Variants in PHACTR3 observed in about 807,000 individuals in gnomAD.
The protein encoded by PHACTR3 is protein phosphatase 1, regulatory subunit 123.
A neutral mutation model predicts 66.8 loss-of-function variants in PHACTR3; 16 were observed. That is an observed-to-expected ratio of 0.24 (90% confidence interval 0.16 to 0.36). The LOEUF (loss-of-function observed/expected upper bound fraction) is 0.36, where lower values mean the gene tolerates loss of function less well. Ranked by LOEUF, PHACTR3 falls within the 10% of genes least tolerant of loss-of-function variation. PHACTR3 has a pLI of 1.00. For missense variants in PHACTR3, 647 were observed against 719.9 expected (o/e 0.90, Z 1.16); for synonymous variants, 323 against 292.1 (o/e 1.11, Z -1.08).
Position 59,588,603 on chromosome 20 carries a change from TC to T in PHACTR3, c.109+10990del, listed in dbSNP as rs1163315377. Among the ~76,000 whole-genome samples, 100 of 152,294 alleles carry T rather than the reference TC, an allele frequency of 6.6e-4. 1 individual carries two copies. Among genetic ancestry groups the T allele is most frequent in the Admixed American group, 9.1e-4 (14 of 15,304 alleles). On this transcript the variant is annotated intron_variant, in intron 1 of 12. Transcript: ENST00000359926. ...GAGGCCCTTTGAGTCCTGAGGCCTGTCCCCATCCTCAGCCTCCCGCCATCTT... is the reference window on the plus strand; with the variant it reads ...GAGGCCCTTTGAGTCCTGAGGCCTGTCCCATCCTCAGCCTCCCGCCATCTT...
At chr20:59,758,333 G>T (rs2039880270) in intron 4 of PHACTR3, among the ~76,000 whole-genome samples, 1 of 152,156 alleles carries the variant, frequency 6.6e-6, no homozygotes, top group African/African-American at 2.4e-5. Flanking sequence ...AGTAGTATTG[G>T]CTTCTCATTT....
At chr20:59,644,521 A>G (rs1457230129) in intron 1 of PHACTR3, among the ~76,000 whole-genome samples, 1 of 152,184 alleles carries the variant, frequency 6.6e-6, no homozygotes, top group Admixed American at 6.5e-5. Context: ...TTTTGCTCCC[A>G]GCTGGGACTC....
At chr20:59,822,271 C>T (rs1285254207) in intron 8 of PHACTR3, among the ~76,000 whole-genome samples, 1 of 72,344 alleles carries the variant, frequency 1.4e-5, no homozygotes, top group African/African-American at 6.9e-5. Flanking sequence ...CCACCCCCTC[C>T]GCAGTGATCC....
intron 1 of PHACTR3, among the ~76,000 whole-genome samples, chr20:59,731,067 T>C (rs1234098374): frequency 6.6e-6 from 1 of 152,206 alleles, no homozygotes; most frequent in Non-Finnish European, 1.5e-5. Flanking sequence ...CTTTTGTTTT[T>C]CTTTAACCTT....
chr20:59,702,085 C>T (rs1044614811), intron 1 of PHACTR3, among the ~76,000 whole-genome samples: 1 of 152,126 alleles, frequency 6.6e-6, no homozygotes, highest in Non-Finnish European at 1.5e-5. Flanking sequence ...CGGGATGTAC[C>T]CCAATTTGTT....
chr20:59,732,328 G>A (rs1210709879), intron 1 of PHACTR3, among the ~76,000 whole-genome samples: 1 of 152,208 alleles, frequency 6.6e-6, no homozygotes, highest in Admixed American at 6.5e-5. Flanking sequence ...CGTGCTCTGA[G>A]CCTCTACTTT....
intron 7 of PHACTR3, among the ~76,000 whole-genome samples, chr20:59,799,826 A>G (rs1440083379): frequency 6.6e-6 from 1 of 152,022 alleles, no homozygotes; most frequent in Non-Finnish European, 1.5e-5. Flanking sequence ...GTTTAACTCT[A>G]CCGTCTGGCA....
At chr20:59,594,920 C>T (rs6026981) in intron 1 of PHACTR3, among the ~76,000 whole-genome samples, 1 of 151,858 alleles carries the variant, frequency 6.6e-6, no homozygotes, top group South Asian at 2.1e-4. Flanking sequence ...TAGGATATAC[C>T]TTCAGTGTTA....
At chr20:59,644,841 TA>T (rs531051045) in intron 1 of PHACTR3, among the ~76,000 whole-genome samples, 69 of 152,310 alleles carry the variant, frequency 4.5e-4, no homozygotes, top group African/African-American at 1.6e-3. Context: ...GTGTTTTTTT[TA>T]GAGGATCTCT....
chr20:59,815,186 A>G (rs2041849502), intron 8 of PHACTR3, among the ~76,000 whole-genome samples: 1 of 152,162 alleles, frequency 6.6e-6, no homozygotes, highest in African/African-American at 2.4e-5. Flanking sequence ...GAGGGACCTC[A>G]TCGGGGGGAA....
chr20:59,712,510 T>A (rs1012384011), intron 1 of PHACTR3, among the ~76,000 whole-genome samples: 1 of 152,196 alleles, frequency 6.6e-6, no homozygotes, highest in African/African-American at 2.4e-5. Flanking sequence ...CTTTGCACAC[T>A]CTCGAGAGTT....
At chr20:59,713,167 A>G (rs2037966591) in intron 1 of PHACTR3, among the ~76,000 whole-genome samples, 1 of 152,232 alleles carries the variant, frequency 6.6e-6, no homozygotes, top group Non-Finnish European at 1.5e-5. Flanking sequence ...CTTTTTGGGC[A>G]TCTGTTTACA....
At chr20:59,759,365 T>C (rs998774805) in intron 4 of PHACTR3, among the ~76,000 whole-genome samples, 5 of 152,198 alleles carry the variant, frequency 3.3e-5, no homozygotes, top group Non-Finnish European at 5.9e-5. Flanking sequence ...CAAGCCAATG[T>C]TTAAAAATCA....
intron 4 of PHACTR3, among the ~76,000 whole-genome samples, chr20:59,760,927 A>G (rs1470179780): frequency 6.6e-6 from 1 of 152,144 alleles, no homozygotes; most frequent in Non-Finnish European, 1.5e-5. Flanking sequence ...TTTTTGGATG[A>G]GAAAACAGAG....
intron 1 of PHACTR3, among the ~76,000 whole-genome samples, chr20:59,687,019 GTGA>G (rs1359382356): frequency 8.1e-4 from 121 of 148,624 alleles, no homozygotes; most frequent in African/African-American, 2.6e-3. Context: ...GATGATGGTG[GTGA>G]TGATGATGGT....
intron 7 of PHACTR3, among the ~76,000 whole-genome samples, chr20:59,793,588 T>C (rs970414151): frequency 3.3e-5 from 5 of 152,242 alleles, no homozygotes; most frequent in African/African-American, 1.2e-4. Context: ...AGTTTGCTAT[T>C]GCTGTACAGA....
chr20:59,845,167 A>G, intron 11 of PHACTR3, 22 bp from the exon 12 acceptor site: 2 of 1,464,624 alleles, frequency 1.4e-6, no homozygotes, highest in Non-Finnish European at 1.9e-6. Flanking sequence ...CTGTAAAACA[A>G]TGTCTTGTTT....
intron 2 of PHACTR3, among the ~76,000 whole-genome samples, chr20:59,745,254 A>G (rs2039324874): frequency 6.6e-6 from 1 of 152,114 alleles, no homozygotes; most frequent in Non-Finnish European, 1.5e-5. Flanking sequence ...AGGCCGGGGG[A>G]CTAGAGCAGA....
intron 7 of PHACTR3, among the ~76,000 whole-genome samples, chr20:59,802,934 A>G (rs2041459897): frequency 6.6e-6 from 1 of 152,250 alleles, no homozygotes; most frequent in Non-Finnish European, 1.5e-5. Flanking sequence ...AAAGTTGTGT[A>G]CTTGGAAAGA....
Sources: allele counts gnomAD v4.1 joint callset (sites outside exome capture counted in the v4.1 genomes callset), GRCh38; gene constraint gnomAD v4.1.1; transcripts MANE v1.5; gene names NCBI Gene and HGNC (gene_info 2026-07-23, HGNC 2026-07-21).